SLC39A12: variants seen among roughly 807,000 people sequenced by gnomAD.
The protein encoded by SLC39A12 is solute carrier family 39 member 12, also known as zinc transporter ZIP12.
Under a neutral mutation model 71.1 loss-of-function variants are expected in SLC39A12, and 63 were observed. The observed-to-expected ratio is 0.89, with a 90% CI of 0.72 to 1.09. The LOEUF (loss-of-function observed/expected upper bound fraction) is 1.09, where lower values mean the gene tolerates loss of function less well. Ranked by LOEUF, SLC39A12 falls within the 50% of genes least tolerant of loss-of-function variation. The pLI is 0.00. For synonymous variants in SLC39A12, 351 were observed against 301.3 expected (o/e 1.16, Z -1.71); for missense variants, 892 against 812.6 (o/e 1.10, Z -1.19).
At chr10:18,036,767 TATATA>T (rs1837043419) in intron 12 of SLC39A12, among the ~76,000 whole-genome samples, 1 of 68,718 alleles carries the variant, frequency 1.5e-5, no homozygotes, top group African/African-American at 6.4e-5. Context: ...TATATATATA[TATATA>T]TATATATATA....
chr10:18,041,003 A>T (rs1317905038), intron 12 of SLC39A12, among the ~76,000 whole-genome samples: 2 of 152,100 alleles, frequency 1.3e-5, no homozygotes, highest in Non-Finnish European at 2.9e-5. Flanking sequence ...TCTAATGGAC[A>T]GGAGAGGGGT....
At chr10:18,000,963 T>G in intron 11 of SLC39A12, 138 bp downstream of exon 11, 1 of 876,300 alleles carries the variant, frequency 1.1e-6, no homozygotes, top group Non-Finnish European at 1.7e-6. Context: ...ATTTAAACCA[T>G]AAGAAGAGGA....
rs536711356 is a variant in SLC39A12 at position 18,036,918 on chromosome 10, C to G, written c.1948-5787C>G. Among the ~76,000 whole-genome samples the G allele has an allele frequency of 1.7e-4, 26 of 151,234 alleles. No individual in the cohort carries two copies. In the South Asian group the frequency reaches 2.7e-3, roughly 16 times the overall value. ...TCTCTTGCCTCAGCCTTTCAAGTAG[C>G]TGGGATGACAGGCACCCGCCACCAT... On this transcript the variant is annotated intron_variant, in intron 12 of 12. Transcript: ENST00000377369.
chr10:17,960,706 G>A (rs879951653), intron 2 of SLC39A12, among the ~76,000 whole-genome samples: 6 of 152,172 alleles, frequency 3.9e-5, no homozygotes, highest in Admixed American at 3.9e-4. Context: ...CCAGAATTGT[G>A]CTGTCCAGCA....
At chr10:18,041,353 G>T (rs539230702) in intron 12 of SLC39A12, among the ~76,000 whole-genome samples, 28 of 151,592 alleles carry the variant, frequency 1.8e-4, no homozygotes, top group African/African-American at 6.8e-4. Flanking sequence ...AAAATTAGCC[G>T]AGTGTGGCAG....
chr10:18,001,996 C>T (rs1030604698), intron 11 of SLC39A12: 10 of 151,472 alleles, frequency 6.6e-5, no homozygotes, highest in Admixed American at 6.6e-5. Context: ...ACCCCACTAC[C>T]CTTCCCAGCC....
chr10:18,017,621 C>G (rs1440730600), intron 12 of SLC39A12, among the ~76,000 whole-genome samples: 1 of 152,088 alleles, frequency 6.6e-6, no homozygotes, highest in Non-Finnish European at 1.5e-5. Context: ...TCAGGTTGTT[C>G]CAGCACCATT....
chr10:17,984,237 G>A (rs1835346100), intron 6 of SLC39A12, among the ~76,000 whole-genome samples: 1 of 152,184 alleles, frequency 6.6e-6, no homozygotes, highest in African/African-American at 2.4e-5. Context: ...TGGTTTTGAG[G>A]CTGTCGTTCC....
chr10:17,976,631 G>A (rs1214482844), intron 4 of SLC39A12, among the ~76,000 whole-genome samples: 2 of 152,006 alleles, frequency 1.3e-5, no homozygotes, highest in Admixed American at 6.6e-5. Flanking sequence ...CACCATGTTG[G>A]CCAGGCTGGT....
intron 10 of SLC39A12, among the ~76,000 whole-genome samples, chr10:17,996,976 C>T (rs1420240445): frequency 6.9e-6 from 1 of 144,262 alleles, no homozygotes; most frequent in East Asian, 2.0e-4. Flanking sequence ...GATCGCGCCA[C>T]TGCACTCCAG....
At chr10:17,983,168 CAAAAAAAAAAAAAAAA>C (rs59513976) in intron 6 of SLC39A12, among the ~76,000 whole-genome samples, 1 of 60,596 alleles carries the variant, frequency 1.7e-5, no homozygotes, top group Non-Finnish European at 3.1e-5. Flanking sequence ...GACTCCATCT[CAAAAAAAAAAAAAAAA>C]AAAAAAAAAA....
At chr10:18,021,395 T>A (rs558575913) in intron 12 of SLC39A12, among the ~76,000 whole-genome samples, 1 of 152,208 alleles carries the variant, frequency 6.6e-6, no homozygotes, top group African/African-American at 2.4e-5. Flanking sequence ...TTTTGATCAA[T>A]CATTGTTGGC....
At chr10:17,955,061 T>G (rs1834505986) in intron 2 of SLC39A12, among the ~76,000 whole-genome samples, 1 of 152,242 alleles carries the variant, frequency 6.6e-6, no homozygotes, top group Non-Finnish European at 1.5e-5. Context: ...AGAAGTCATC[T>G]CTTATTCATG....
At chr10:17,995,832 T>C in intron 10 of SLC39A12, 110 bp downstream of exon 10, 1 of 918,446 alleles carries the variant, frequency 1.1e-6, no homozygotes. Flanking sequence ...GTATGTAGTT[T>C]ATTATGAAAA....
At chr10:17,987,247 A>G (rs191010101) in intron 6 of SLC39A12, among the ~76,000 whole-genome samples, 1 of 152,260 alleles carries the variant, frequency 6.6e-6, no homozygotes, top group Non-Finnish European at 1.5e-5. Context: ...AGGTGGGAGG[A>G]TCACTTGAGC....
intron 12 of SLC39A12, among the ~76,000 whole-genome samples, chr10:18,031,295 C>A (rs1334616046): frequency 1.4e-5 from 2 of 143,038 alleles, no homozygotes; most frequent in Admixed American, 7.0e-5. Flanking sequence ...TTCTCCACAT[C>A]CTCTCCAGCA....
intron 4 of SLC39A12, among the ~76,000 whole-genome samples, chr10:17,968,542 G>A (rs1429663541): frequency 1.3e-5 from 2 of 152,072 alleles, no homozygotes; most frequent in Non-Finnish European, 2.9e-5. Flanking sequence ...AGGTCTGCTA[G>A]CAATAAATTC....
At chr10:18,038,288 A>T (rs7068093) in intron 12 of SLC39A12, among the ~76,000 whole-genome samples, 1 of 152,120 alleles carries the variant, frequency 6.6e-6, no homozygotes, top group South Asian at 2.1e-4. Context: ...GATGCATTCA[A>T]TTCAATAGGT....
At chr10:17,991,800 A>G (rs376537398) in intron 8 of SLC39A12, among the ~76,000 whole-genome samples, 1 of 152,156 alleles carries the variant, frequency 6.6e-6, no homozygotes, top group Non-Finnish European at 1.5e-5. Context: ...AAATGTCTAC[A>G]GATATGGGCC....
Sources: gnomAD v4.1 joint callset for allele counts (sites outside exome capture counted in the v4.1 genomes callset) on GRCh38, gnomAD v4.1.1 for gene constraint, MANE v1.5 for transcripts, NCBI Gene and HGNC (gene_info 2026-07-23, HGNC 2026-07-21) for gene names.